Variants in SLC28A3 observed in about 807,000 individuals in gnomAD.
The protein encoded by SLC28A3 is solute carrier family 28 member 3.
SLC28A3 carries 68 observed loss-of-function variants against 84.2 expected under a neutral mutation model. The ratio of observed to expected loss-of-function variants is 0.81; its 90% CI spans 0.66 to 0.99. The LOEUF (loss-of-function observed/expected upper bound fraction) is 0.99, where lower values mean the gene tolerates loss of function less well. Ranked by LOEUF, SLC28A3 falls within the 50% of genes least tolerant of loss-of-function variation. The pLI is 0.00. For synonymous variants in SLC28A3, 267 were observed against 303.6 expected, an observed-to-expected ratio of 0.88 and a Z score of 1.25; for missense variants, 712 against 841.5, an observed-to-expected ratio of 0.85 and a Z score of 1.90.
intron 1 of SLC28A3, among the ~76,000 whole-genome samples, chr9:84,337,413 G>A (rs1827014249): frequency 6.6e-6 from 1 of 151,088 alleles, no homozygotes; most frequent in African/African-American, 2.4e-5. Context: ...TTAGAACCTT[G>A]AGGCCTGGGG....
chr9:84,298,622 G>A lies in SLC28A3; in HGVS notation c.670-603C>T, dbSNP rs574100601. On this transcript the variant is annotated intron_variant, in intron 6 of 17. Transcript: ENST00000376238. ...TTGGATAGAAACAGTAGTCTAAGAA[G>A]GGCCATTAAAGAAGGCAGAATCTGG... is the stretch of plus-strand genomic sequence containing the variant. Among the ~76,000 whole-genome samples, 5 of 152,276 alleles carry A rather than the reference G, an allele frequency of 3.3e-5. No homozygotes were observed. In the East Asian group the frequency reaches 9.6e-4, roughly 29 times the overall value.
chr9:84,325,465 AC>A (rs1392920583), intron 1 of SLC28A3, among the ~76,000 whole-genome samples: 1 of 152,232 alleles, frequency 6.6e-6, no homozygotes, highest in Non-Finnish European at 1.5e-5. Context: ...TGACTCCCTG[AC>A]CCTGAAAGTA....
intron 14 of SLC28A3, among the ~76,000 whole-genome samples, chr9:84,281,758 A>G (rs1192583450): frequency 6.6e-6 from 1 of 152,270 alleles, no homozygotes; most frequent in Non-Finnish European, 1.5e-5. Flanking sequence ...GTGGATACCC[A>G]TAAAAATGAA....
At position 84,278,045 on chromosome 9, in the gene SLC28A3, A is replaced by C. The variant is rs1008250204; in HGVS notation, c.*173T>G. ...GGGGCTGGTGGGGAGGGAGGGGAGGAGGAAAATGTTGTAGCTTTGAAGGTC... is the reference window on the plus strand; with the variant it reads ...GGGGCTGGTGGGGAGGGAGGGGAGGCGGAAAATGTTGTAGCTTTGAAGGTC... On this transcript the variant is annotated 3_prime_UTR_variant, in exon 18 of 18. Coordinates refer to ENST00000376238, the MANE Select transcript of SLC28A3 (RefSeq NM_001199633.2). 1.2e-6 allele frequency: 1 copy of C among 804,110 alleles called. No homozygotes were observed. The highest frequency in any genetic ancestry group is 1.9e-6 in the Non-Finnish European group (1 of 537,972). 49.8% of individuals were successfully genotyped at this position (804,110 alleles called of 1,614,324 possible).
intron 3 of SLC28A3, 93 bp downstream of exon 3, chr9:84,309,523 CAAAAAAAAAAAAA>C (rs71366931): frequency 1.7e-5 from 4 of 239,284 alleles, no homozygotes; most frequent in African/African-American, 5.4e-5. Flanking sequence ...ACTCTTATCT[CAAAAAAAAAAAAA>C]AAAAAAAAAA....
At position 84,278,051 on chromosome 9, in the gene SLC28A3, ATGT is replaced by A. The variant is rs1824586884; in HGVS notation, c.*164_*166del. On this transcript the variant is annotated 3_prime_UTR_variant, in exon 18 of 18. Coordinates refer to ENST00000376238, the MANE Select transcript of SLC28A3 (RefSeq NM_001199633.2). ...GGTGGGGAGGGAGGGGAGGAGGAAA[ATGT>A]TGTAGCTTTGAAGGTCCACTCTTGT... The A allele has an allele frequency of 5.7e-6, 5 of 882,886 alleles. No homozygotes were observed. Among genetic ancestry groups the A allele is most frequent in the East Asian group, 5.4e-5 (2 of 36,760 alleles). 54.7% of individuals were successfully genotyped at this position (882,886 alleles called of 1,614,324 possible). A position where few individuals can be genotyped will look rare whatever the true frequency, so the allele number is the denominator to read the frequency against.
chr9:84,280,454 A>G (rs527467941), intron 15 of SLC28A3, among the ~76,000 whole-genome samples: 1 of 152,354 alleles, frequency 6.6e-6, no homozygotes, highest in East Asian at 1.9e-4. Context: ...CGTGGCAGAC[A>G]CCACTAAGAA....
At chr9:84,348,348 C>T in the SLC28A3 span, among the ~76,000 whole-genome samples, 145 of 67,278 alleles carry the variant, frequency 2.2e-3, 1 homozygote, top group African/African-American at 8.9e-3. Context: ...AGCAAGACTC[C>T]GTCTCAAAAA....
chr9:84,291,020 A>G (rs1825199168), intron 10 of SLC28A3, among the ~76,000 whole-genome samples: 1 of 152,208 alleles, frequency 6.6e-6, no homozygotes, highest in Admixed American at 6.5e-5. Flanking sequence ...GGGGCTCTCC[A>G]TAGATAATAG....
intron 4 of SLC28A3, among the ~76,000 whole-genome samples, chr9:84,304,620 A>C (rs1275379296): frequency 6.6e-6 from 1 of 152,160 alleles, no homozygotes; most frequent in African/African-American, 2.4e-5. Flanking sequence ...TATTCATATA[A>C]AGCATTAATC....
chr9:84,340,474 C>T, intron 1 of SLC28A3, 100 bp downstream of exon 1: 1 of 1,264,948 alleles, frequency 7.9e-7, no homozygotes. Flanking sequence ...TCGTATTGTC[C>T]TGATAATCTC....
Position 84,309,734 on chromosome 9 carries a change from G to A in SLC28A3, c.157-20C>T, listed in dbSNP as rs1393377344. Reference sequence around the variant, plus strand: ...TTCATCCTGGAAATCAAACATTGGAGCAGAGATGGAATAATGAGCATCCTG... The same window carrying A: ...TTCATCCTGGAAATCAAACATTGGAACAGAGATGGAATAATGAGCATCCTG... On this transcript the variant is annotated intron_variant, in intron 2 of 17. Coordinates refer to ENST00000376238, the MANE Select transcript of SLC28A3 (RefSeq NM_001199633.2). 2.5e-6 allele frequency: 4 copies of A among 1,608,402 alleles called. No homozygotes were observed. In the East Asian group the frequency reaches 8.9e-5, roughly 36 times the overall value.
intron 15 of SLC28A3, 129 bp downstream of exon 15, chr9:84,280,672 T>C (rs1824713057): frequency 1.2e-6 from 1 of 835,696 alleles, no homozygotes; most frequent in African/African-American, 1.7e-5. Context: ...ATTAAAAAAA[T>C]AGACCCCAGA....
At chr9:84,279,528 G>A in intron 16 of SLC28A3, 143 bp from the exon 17 acceptor site, 3 of 542,932 alleles carry the variant, frequency 5.5e-6, no homozygotes, top group Non-Finnish European at 7.9e-6. Context: ...TGCAACCTCT[G>A]CCTCCCGGGT....
At chr9:84,341,004 C>G, upstream of SLC28A3, among the ~76,000 whole-genome samples, 1 of 144,986 alleles carries the variant, frequency 6.9e-6, no homozygotes, top group South Asian at 2.2e-4. Context: ...GAGATGGAGT[C>G]TCAAAAAAAA....
chr9:84,295,355 C>T (rs1042023695), intron 8 of SLC28A3, among the ~76,000 whole-genome samples: 1 of 152,062 alleles, frequency 6.6e-6, no homozygotes, highest in Non-Finnish European at 1.5e-5. Flanking sequence ...GATGCTGAGG[C>T]GGGCGGATCA....
upstream of SLC28A3, among the ~76,000 whole-genome samples, chr9:84,342,143 AAG>A (rs1554732010): frequency 4.6e-3 from 612 of 133,204 alleles, 16 homozygotes; most frequent in African/African-American, 0.021. Context: ...AAAAAAAAAA[AAG>A]AAAAGAAAAA....
chr9:84,279,195 G>C, intron 17 of SLC28A3, 70 bp downstream of exon 17: 3 of 1,209,664 alleles, frequency 2.5e-6, no homozygotes, highest in Non-Finnish European at 2.2e-6. Flanking sequence ...AAAAAAGTAA[G>C]TGGATATTTA....
intron 11 of SLC28A3, 77 bp from the exon 12 acceptor site, chr9:84,288,255 G>T (rs1282965423): frequency 4.0e-5 from 63 of 1,590,272 alleles, no homozygotes; most frequent in Non-Finnish European, 5.2e-5. Context: ...CAAGAGCTCC[G>T]CAAGGGAAGA....
Sources: gnomAD v4.1 joint callset for allele counts (sites outside exome capture counted in the v4.1 genomes callset) on GRCh38, gnomAD v4.1.1 for gene constraint, MANE v1.5 for transcripts, NCBI Gene and HGNC (gene_info 2026-07-23, HGNC 2026-07-21) for gene names.